BTNL9: variants seen among roughly 807,000 people sequenced by gnomAD.
BTNL9 encodes the protein butyrophilin like 9.
A neutral mutation model predicts 45.8 loss-of-function variants in BTNL9; 45 were observed. The observed-to-expected ratio is 0.98, with a 90% CI of 0.77 to 1.26. The LOEUF (loss-of-function observed/expected upper bound fraction) is 1.26, where lower values mean the gene tolerates loss of function less well. Among genes scored for constraint, BTNL9 ranks in the 50% most tolerant of loss-of-function variants. The probability of loss-of-function intolerance (pLI) is 0.00; values close to 1 mark genes in which losing one functional copy is unlikely to be tolerated. For missense variants in BTNL9, 784 were observed against 729.7 expected, an observed-to-expected ratio of 1.07 and a Z score of -0.86; for synonymous variants, 346 against 330.8, an observed-to-expected ratio of 1.05 and a Z score of -0.50.
rs777085597 is a variant in BTNL9 at position 181,048,114 on chromosome 5, G to T, written c.297G>T (p.Ala99=). ...AGCTCCCTGGCAGGCAGATGCCGGC[G>T]TTCCGGAACAGGACCAAGTTGGTCA... ...QQELPGRQMP[A]FRNRTKLVKD... is the part of the protein sequence containing the mutation. Residue 99 remains alanine, a synonymous_variant, in exon 3 of 11, where the codon GCG becomes GCT. Coordinates refer to ENST00000327705, the MANE Select transcript of BTNL9 (RefSeq NM_152547.5). 2 of 1,613,618 alleles carry T rather than the reference G, an allele frequency of 1.2e-6. No homozygotes were observed. Among genetic ancestry groups the T allele is most frequent in the Admixed American group, 3.3e-5 (2 of 60,016 alleles).
rs1369682164 is a variant in BTNL9 at position 181,059,501 on chromosome 5, C to G, written c.1247C>G (p.Ala416Gly). The G allele has an allele frequency of 2.5e-6, 4 of 1,572,412 alleles. No homozygotes were observed. The South Asian group carries it at 4.6e-5, about 18-fold the overall frequency. Residue 416 changes from alanine (A) to glycine (G), a missense_variant, in exon 11 of 11, where the codon GCG (alanine) becomes GGG (glycine). Coordinates refer to ENST00000327705, the MANE Select transcript of BTNL9 (RefSeq NM_152547.5). Reference protein sequence around the residue: ...PRAGPARLSPAAGYWVLGLWN... With the variant: ...PRAGPARLSPGAGYWVLGLWN... Reference sequence around the variant, plus strand: ...GCGGGGCCTGCGCGCCTGAGCCCTGCGGCCGGCTACTGGGTGCTGGGGCTG... The same window carrying G: ...GCGGGGCCTGCGCGCCTGAGCCCTGGGGCCGGCTACTGGGTGCTGGGGCTG...
At chr5:181,044,458 A>G (rs757065998) in intron 1 of BTNL9, among the ~76,000 whole-genome samples, 3 of 152,142 alleles carry the variant, frequency 2.0e-5, no homozygotes, top group Non-Finnish European at 4.4e-5. Context: ...CAGTCCCAGG[A>G]CGAAGACAGT....
chr5:181,043,722 A>G, intron 1 of BTNL9, among the ~76,000 whole-genome samples: 1 of 152,234 alleles, frequency 6.6e-6, no homozygotes, highest in African/African-American at 2.4e-5. Flanking sequence ...AGAAGAAAAG[A>G]CTGAAGTATA....
chr5:181,061,197 T>C lies in BTNL9; in HGVS notation c.*1335T>C, dbSNP rs1762123980. ...ACAGTGTCTGCCACTGAATTTCCAGTGACTAAGTGGAAAAATATAAAACAT... is the reference window on the plus strand; with the variant it reads ...ACAGTGTCTGCCACTGAATTTCCAGCGACTAAGTGGAAAAATATAAAACAT... On this transcript the variant is annotated 3_prime_UTR_variant, in exon 11 of 11. Coordinates refer to ENST00000327705, the MANE Select transcript of BTNL9 (RefSeq NM_152547.5). 1 of 152,196 alleles carries C rather than the reference T, an allele frequency of 6.6e-6. No homozygotes were observed. The highest frequency in any genetic ancestry group is 2.4e-5 in the African/African-American group (1 of 41,436). The allele number at this position is 152,196 out of a possible 1,614,324, so 9.4% of individuals were successfully genotyped here.
rs1352443453 is a variant in BTNL9, at chr5:181,053,728, G to A, written c.886+227G>A. 6.6e-7 allele frequency: 1 copy of A among 1,514,974 alleles called. No homozygotes were observed. The highest frequency in any genetic ancestry group is 2.0e-5 in the Admixed American group (1 of 48,822). The allele number at this position is 1,514,974 out of a possible 1,614,324, so 93.8% of individuals were successfully genotyped here. A position where few individuals can be genotyped will look rare whatever the true frequency, so the allele number is the denominator to read the frequency against. Reference sequence around the variant, plus strand: ...TTTCCACGGAGGCTAGTGCACAGATGTCAGGGTTGACCGGCTGCTGTCGTT... The same window carrying A: ...TTTCCACGGAGGCTAGTGCACAGATATCAGGGTTGACCGGCTGCTGTCGTT... On this transcript the variant is annotated intron_variant, in intron 6 of 10. Transcript: ENST00000327705. The surrounding 1 kb of genome is among the most constrained non-coding windows in gnomAD (Gnocchi z 6.5).
At position 181,050,849 on chromosome 5, in the gene BTNL9, G is replaced by A. The variant is rs527958166; in HGVS notation, c.736+480G>A. Among the ~76,000 whole-genome samples the A allele has an allele frequency of 1.6e-4, 24 of 152,224 alleles. No individual in the cohort carries two copies. The highest frequency in any genetic ancestry group is 3.4e-4 in the Non-Finnish European group (23 of 68,006). On this transcript the variant is annotated intron_variant, in intron 4 of 10. Coordinates refer to ENST00000327705, the MANE Select transcript of BTNL9 (RefSeq NM_152547.5). The surrounding 1 kb of genome is among the most constrained non-coding windows in gnomAD (Gnocchi z 4.9). ...CACGCCTGTAATCCCAGCACTTTGG[G>A]AGGCCAAGGCGGGTGGATCATGAGG...
Position 181,047,800 on chromosome 5 carries a change from C to T in BTNL9, c.110-127C>T, listed in dbSNP as rs1582124924. 5.7e-6 allele frequency: 5 copies of T among 882,504 alleles called. No homozygotes were observed. In the East Asian group the frequency reaches 1.1e-4, roughly 19 times the overall value. The allele number at this position is 882,504 out of a possible 1,614,324, so 54.7% of individuals were successfully genotyped here. On this transcript the variant is annotated intron_variant, in intron 2 of 10. Coordinates refer to ENST00000327705, the MANE Select transcript of BTNL9 (RefSeq NM_152547.5). ...TTGTTCAAGGATCTAGGCCAGTTGT[C>T]CTGTAGAGTATCTCACCTTTCTTGT...
chr5:181,048,915 TA>T (rs931058712), intron 3 of BTNL9, among the ~76,000 whole-genome samples: 5 of 77,790 alleles, frequency 6.4e-5, no homozygotes, highest in Admixed American at 5.7e-4. Flanking sequence ...ATATATAATA[TA>T]AAAATAATAT....
In BTNL9 at chr5:181,045,496, G is replaced by A; in HGVS notation, c.7G>A (p.Asp3Asn). ...CCCCCACTGCTGACGAGAGATGGTG[G>A]ACCTCTCAGTCTCCCCAGACTCCTT... MV[D>N]LSVSPDSLKP... Residue 3 changes from aspartate (D) to asparagine (N), a missense_variant, in exon 2 of 11, where the codon GAC becomes AAC. By Grantham distance (23) the Asp-to-Asn change is conservative. Coordinates refer to ENST00000327705, the MANE Select transcript of BTNL9 (RefSeq NM_152547.5). The A allele has an allele frequency of 3.1e-6, 5 of 1,600,402 alleles. No homozygotes were observed. Among genetic ancestry groups the A allele is most frequent in the Non-Finnish European group, 4.3e-6 (5 of 1,168,182 alleles).
At position 181,054,179 on chromosome 5, in the gene BTNL9, C is replaced by T. The variant is rs958756853; in HGVS notation, c.887-60C>T. 3.1e-6 allele frequency: 5 copies of T among 1,609,468 alleles called. No individual in the cohort carries two copies. The Admixed American group carries it at 5.1e-5, about 16-fold the overall frequency. On this transcript the variant is annotated intron_variant, in intron 6 of 10. Coordinates refer to ENST00000327705, the MANE Select transcript of BTNL9 (RefSeq NM_152547.5). ...GTTCACCCATCTGTTCTGTCTGCCT[C>T]ATTCCCCAACCTGAGAGTCTTTCCC...
intron 7 of BTNL9, chr5:181,054,838 C>G: frequency 1.0e-6 from 1 of 985,400 alleles, no homozygotes; most frequent in Non-Finnish European, 1.2e-6. Flanking sequence ...AAAAACATAG[C>G]CCTAATAAGT....
chr5:181,057,820 T>C (rs1362716753), intron 9 of BTNL9, among the ~76,000 whole-genome samples: 1 of 152,222 alleles, frequency 6.6e-6, no homozygotes, highest in Non-Finnish European at 1.5e-5. Context: ...TCTGGAGCTC[T>C]GAGAACGTCT....
intron 1 of BTNL9, among the ~76,000 whole-genome samples, chr5:181,041,676 T>A (rs1386819969): frequency 1.3e-5 from 2 of 152,226 alleles, no homozygotes; most frequent in Non-Finnish European, 2.9e-5. Context: ...GAGATGCCAT[T>A]TATTTGTGAA....
In BTNL9 at chr5:181,057,990, A is replaced by G. The variant is rs185132507; in HGVS notation, c.956-362A>G. Among the ~76,000 whole-genome samples, 44 of 152,328 alleles carry G rather than the reference A, an allele frequency of 2.9e-4. No homozygotes were observed. In the East Asian group the frequency reaches 8.3e-3, roughly 29 times the overall value. The stretch of plus-strand genomic sequence containing the variant: ...GGCATCTTTGGGACCCGTCAGGCTC[A>G]GCTGGGCCTCCTGGGCACAGCCTGG... On this transcript the variant is annotated intron_variant, in intron 9 of 10. Coordinates refer to ENST00000327705, the MANE Select transcript of BTNL9 (RefSeq NM_152547.5).
chr5:181,044,008 T>C (rs566594115), intron 1 of BTNL9, among the ~76,000 whole-genome samples: 4 of 152,340 alleles, frequency 2.6e-5, no homozygotes, highest in Non-Finnish European at 5.9e-5. Flanking sequence ...TTGAACCTTC[T>C]TGAAACACAC....
rs202103036 is a variant in BTNL9, at chr5:181,053,316, G to A, written c.853G>A (p.Glu285Lys). The change falls in exon 5 of 11, where the codon GAA becomes AAA. Residue 285 changes from glutamate to lysine, a missense_variant and splice_region_variant. Transcript: ENST00000327705. The surrounding 1 kb of genome is among the most constrained non-coding windows in gnomAD (Gnocchi z 6.5). ...GVLRKQRRSREKLRKQAEKRQ... is the reference protein window; with the variant it reads ...GVLRKQRRSRKKLRKQAEKRQ... ...CCTCCGGAAGCAGCGGAGAAGCCGA[G>A]GTACCGGCGCGGGCGGCGGGGCGGG... The A allele has an allele frequency of 4.9e-4, 766 of 1,558,578 alleles. 5 individuals are homozygous for A. In the African/African-American group the frequency reaches 0.01, roughly 20 times the overall value.
intron 9 of BTNL9, chr5:181,056,882 T>C (rs1014837624): frequency 5.1e-5 from 23 of 446,754 alleles, no homozygotes; most frequent in Non-Finnish European, 9.2e-5. Flanking sequence ...GCTGAGAAGA[T>C]TGAGCATCTC....
rs749124781 is a variant in BTNL9, at chr5:181,050,675, C to T, written c.736+306C>T. Among the ~76,000 whole-genome samples, 8 of 152,220 alleles carry T rather than the reference C, an allele frequency of 5.3e-5. No homozygotes were observed. The highest frequency in any genetic ancestry group is 1.0e-4 in the Non-Finnish European group (7 of 68,036). On this transcript the variant is annotated intron_variant, in intron 4 of 10. Transcript: ENST00000327705. This position sits in a 1 kb window ranked among gnomAD's most constrained non-coding sequence, Gnocchi z 4.9. ...AGCCAATAGATTCGTAATGCTGTCTCTCAAACAGTATGTATTGAGTTTCCA... is the reference window on the plus strand; with the variant it reads ...AGCCAATAGATTCGTAATGCTGTCTTTCAAACAGTATGTATTGAGTTTCCA...
chr5:181,042,331 AT>A lies in BTNL9; in HGVS notation c.-24+1900del, dbSNP rs2113135248. Among the ~76,000 whole-genome samples the A allele has an allele frequency of 6.6e-6, 1 of 151,980 alleles. No homozygotes were observed. Among genetic ancestry groups the A allele is most frequent in the South Asian group, 2.1e-4 (1 of 4,824 alleles). On this transcript the variant is annotated intron_variant, in intron 1 of 10. Transcript: ENST00000327705. This position sits in a 1 kb window ranked among gnomAD's most constrained non-coding sequence, Gnocchi z 4.5. ...ACTGGGTTTTCCTTCTTCCCCAAAT[AT>A]CCGACGCGTCCAGTCCCTTACTCCT...
Sources: gnomAD v4.1 joint callset for allele counts (sites outside exome capture counted in the v4.1 genomes callset) on GRCh38, gnomAD v4.1.1 for gene constraint, Gnocchi (gnomAD v3.1) non-coding constraint, MANE v1.5 for transcripts, NCBI Gene and HGNC (gene_info 2026-07-23, HGNC 2026-07-21) for gene names.